The following QKI variants were observed in gnomAD, a reference collection of about 807,000 sequenced individuals.
QKI encodes the protein KH domain-containing RNA-binding protein QKI.
In QKI, 10 loss-of-function variants were observed where a neutral mutation model predicts 39.0. The ratio of observed to expected loss-of-function variants is 0.26; its 90% CI spans 0.16 to 0.43. QKI has a LOEUF of 0.43. QKI is among the 20% of genes least tolerant of loss of function. The pLI is 1.00. For missense variants in QKI, 218 were observed against 428.0 expected, an observed-to-expected ratio of 0.51 and a Z score of 4.33; for synonymous variants, 204 against 155.4, an observed-to-expected ratio of 1.31 and a Z score of -2.33.
chr6:163,462,398 G>C (rs1791420858), intron 2 of QKI, among the ~76,000 whole-genome samples: 1 of 152,148 alleles, frequency 6.6e-6, no homozygotes, highest in Admixed American at 6.5e-5. Flanking sequence ...TCAATAAGCA[G>C]CCTGTCTATC....
chr6:163,469,444 A>G (rs1239173379), intron 2 of QKI, among the ~76,000 whole-genome samples: 2 of 152,196 alleles, frequency 1.3e-5, no homozygotes, highest in Non-Finnish European at 2.9e-5. Flanking sequence ...TTGGGAAAAG[A>G]TCTGTATAGA....
At chr6:163,517,081 T>TTCTC (rs757701002) in intron 3 of QKI, among the ~76,000 whole-genome samples, 5 of 97,698 alleles carry the variant, frequency 5.1e-5, no homozygotes, top group South Asian at 8.1e-4. Context: ...CTCTCTCTCT[T>TTCTC]TCTCTCTCTC....
chr6:163,509,890 G>T (rs931232728), intron 3 of QKI, among the ~76,000 whole-genome samples: 1 of 152,042 alleles, frequency 6.6e-6, no homozygotes. Flanking sequence ...TTGAATGAAA[G>T]AGATTGTCAG....
chr6:163,504,187 C>G (rs1270402430), intron 3 of QKI, among the ~76,000 whole-genome samples: 1 of 151,968 alleles, frequency 6.6e-6, no homozygotes, highest in Non-Finnish European at 1.5e-5. Context: ...TGTAGATGTT[C>G]TGGTTCTCTA....
rs151172419 is a variant in QKI, at chr6:163,478,845, C to T, written c.351C>T (p.Thr117=). The T allele has an allele frequency of 1.8e-4, 291 of 1,612,204 alleles. No homozygotes were observed. The highest frequency in any genetic ancestry group is 4.5e-4 in the South Asian group (41 of 90,998). Residue 117 remains threonine, a synonymous_variant, in exon 3 of 8, where the codon ACC becomes ACT. Transcript: ENST00000361752. ...GLTAKQLEAE[T]GCKIMVRGKG... The stretch of plus-strand genomic sequence containing the variant: ...CAGCCAAACAACTTGAAGCAGAAAC[C>T]GGATGTAAAATCATGGTCCGAGGCA...
rs1777696964 is a variant in QKI at position 163,578,328 on chromosome 6, ATT to A, written c.*7621_*7622del. 10 of 152,194 alleles carry A rather than the reference ATT, an allele frequency of 6.6e-5. No individual in the cohort carries two copies. The highest frequency in any genetic ancestry group is 6.5e-4 in the Admixed American group (10 of 15,276). 9.4% of individuals were successfully genotyped at this position (152,194 alleles called of 1,614,324 possible). Reference sequence around the variant, plus strand: ...AGAACTATTTGAGTTGATACTAAAGATTTTATGTTCACTCCTTTACCTTAGAA... The same window carrying A: ...AGAACTATTTGAGTTGATACTAAAGATTATGTTCACTCCTTTACCTTAGAA... On this transcript the variant is annotated 3_prime_UTR_variant, in exon 8 of 8. Transcript: ENST00000361752.
At chr6:163,521,736 G>T (rs1253827061) in intron 3 of QKI, among the ~76,000 whole-genome samples, 2 of 152,114 alleles carry the variant, frequency 1.3e-5, no homozygotes, top group Admixed American at 1.3e-4. Flanking sequence ...GGCCAGGCTG[G>T]TCTTGAACTC....
chr6:163,452,946 T>G (rs1790680275), intron 1 of QKI, among the ~76,000 whole-genome samples: 1 of 152,206 alleles, frequency 6.6e-6, no homozygotes, highest in Admixed American at 6.5e-5. Flanking sequence ...TAGGCTGCTC[T>G]TGAACTCCTG....
At chr6:163,545,967 T>C (rs1438730643) in intron 4 of QKI, among the ~76,000 whole-genome samples, 1 of 149,718 alleles carries the variant, frequency 6.7e-6, no homozygotes, top group African/African-American at 2.4e-5. Flanking sequence ...TAATTGCTTG[T>C]ACCTATTAAT....
At chr6:163,570,538 GTCAA>G (rs1329608061) in intron 7 of QKI, 152 bp from the exon 8 acceptor site, 38 of 981,518 alleles carry the variant, frequency 3.9e-5, no homozygotes, top group Middle Eastern at 5.2e-4. Flanking sequence ...TGTAGATGGT[GTCAA>G]TCAGTTTGTC....
Position 163,563,551 on chromosome 6 carries a change from A to G in QKI, c.766A>G (p.Arg256Gly), listed in dbSNP as rs1783164605. 2 of 1,614,062 alleles carry G rather than the reference A, an allele frequency of 1.2e-6. No homozygotes were observed. Among genetic ancestry groups the G allele is most frequent in the Non-Finnish European group, 1.7e-6 (2 of 1,180,040 alleles). Reference sequence around the variant, plus strand: ...TGGCCCTACCATAATGCCTTTGATCAGACAAATACAGACCGCTGTCATGCC... The same window carrying G: ...TGGCCCTACCATAATGCCTTTGATCGGACAAATACAGACCGCTGTCATGCC... Reference protein sequence around the residue: ...PAGPTIMPLIRQIQTAVMPNG... With the variant: ...PAGPTIMPLIGQIQTAVMPNG... The change falls in exon 6 of 8, where the codon AGA (arginine) becomes GGA (glycine). Residue 256 changes from arginine to glycine, a missense_variant. Around this residue, in one of 3 missense-constraint regions of QKI, gnomAD observed 117 missense variants for 186.0 expected, o/e 0.63. Transcript: ENST00000361752.
intron 2 of QKI, among the ~76,000 whole-genome samples, chr6:163,465,096 T>C (rs938531160): frequency 1.3e-5 from 2 of 152,174 alleles, no homozygotes; most frequent in Admixed American, 1.3e-4. Context: ...AAGATCATCT[T>C]AAAAGATGCA....
chr6:163,531,673 A>G (rs1780859919), intron 3 of QKI, among the ~76,000 whole-genome samples: 1 of 151,942 alleles, frequency 6.6e-6, no homozygotes, highest in South Asian at 2.1e-4. Flanking sequence ...TGGACATTTT[A>G]TTTATTTATT....
chr6:163,474,188 A>C (rs1244579943), intron 2 of QKI, among the ~76,000 whole-genome samples: 1 of 152,176 alleles, frequency 6.6e-6, no homozygotes, highest in East Asian at 1.9e-4. Flanking sequence ...TAATGTGATA[A>C]AGTGTATCTT....
chr6:163,513,635 T>C (rs544547025), intron 3 of QKI, among the ~76,000 whole-genome samples: 1 of 152,286 alleles, frequency 6.6e-6, no homozygotes, highest in Admixed American at 6.5e-5. Flanking sequence ...CCAGGAATGT[T>C]CGATGATGCA....
Position 163,577,455 on chromosome 6 carries a change from C to T in QKI, c.*6745C>T, listed in dbSNP as rs761585753. 9 of 151,500 alleles carry T rather than the reference C, an allele frequency of 5.9e-5. No homozygotes were observed. The highest frequency in any genetic ancestry group is 1.3e-4 in the Admixed American group (2 of 15,220). 9.4% of individuals were successfully genotyped at this position (151,500 alleles called of 1,614,324 possible). ...TTTTTTTTTTAATTCTTCACAAAAT[C>T]TGCTCTTCCTGAAAGATCAAAGTGT... is the stretch of plus-strand genomic sequence containing the variant. On this transcript the variant is annotated 3_prime_UTR_variant, in exon 8 of 8. Coordinates refer to ENST00000361752, the MANE Select transcript of QKI (RefSeq NM_006775.3).
At chr6:163,521,378 CAA>C (rs1780144606) in intron 3 of QKI, among the ~76,000 whole-genome samples, 2 of 152,076 alleles carry the variant, frequency 1.3e-5, no homozygotes, top group East Asian at 3.8e-4. Context: ...TTAAATGTAA[CAA>C]ATATTTTAGA....
At position 163,415,354 on chromosome 6, in the gene QKI, C is replaced by T. The variant is rs1475053487; in HGVS notation, c.142+19C>T. On this transcript the variant is annotated intron_variant, in intron 1 of 7. Transcript: ENST00000361752. The stretch of plus-strand genomic sequence containing the variant: ...GACGAAGGTGAGCGTCTCCAGGGCC[C>T]CGGCCCCGGCCCGACCCCCGCCGGG... 4.5e-6 allele frequency: 7 copies of T among 1,570,836 alleles called. No individual in the cohort carries two copies. The African/African-American group carries it at 8.2e-5, about 18-fold the overall frequency.
chr6:163,509,571 A>C (rs1779310244), intron 3 of QKI, among the ~76,000 whole-genome samples: 1 of 152,122 alleles, frequency 6.6e-6, no homozygotes, highest in African/African-American at 2.4e-5. Flanking sequence ...ATATTATGTG[A>C]AACAGTATAA....
Sources: gnomAD v4.1 joint callset for allele counts (sites outside exome capture counted in the v4.1 genomes callset) on GRCh38, gnomAD v4.1.1 for gene constraint, gnomAD v4.1.1 regional missense constraint, MANE v1.5 for transcripts, NCBI Gene and HGNC (gene_info 2026-07-23, HGNC 2026-07-21) for gene names.